Variants in SCG5 observed in about 807,000 individuals in gnomAD.
SCG5 encodes neuroendocrine protein 7B2.
SCG5 carries 18 observed loss-of-function variants against 25.7 expected under a neutral mutation model. The ratio of observed to expected loss-of-function variants is 0.70; its 90% CI spans 0.48 to 1.04. The LOEUF (loss-of-function observed/expected upper bound fraction) is 1.04. Ranked by LOEUF, SCG5 falls within the 50% of genes least tolerant of loss-of-function variation. The pLI is 0.00. For synonymous variants in SCG5, 101 were observed against 91.7 expected (o/e 1.10, Z -0.58); for missense variants, 206 against 259.8 (o/e 0.79, Z 1.42).
At position 32,662,693 on chromosome 15, in the gene SCG5, G is replaced by A. The variant is rs574377067; in HGVS notation, c.227-17073G>A. ...AAGGGGAGTGCTTTTGTATAAATTG[G>A]AGATCACCTCAACTATAGAATTAAC... On this transcript the variant is annotated intron_variant, in intron 2 of 5. Transcript: ENST00000300175. 1.4e-4 allele frequency among the ~76,000 whole-genome samples: 22 copies of A among 152,140 alleles called. No individual in the cohort carries two copies. In the South Asian group the frequency reaches 4.6e-3, roughly 32 times the overall value.
chr15:32,645,713 T>TA lies in SCG5; in HGVS notation c.226+1902dup, dbSNP rs578028090. Among the ~76,000 whole-genome samples the TA allele has an allele frequency of 2.0e-4, 31 of 152,110 alleles. No individual in the cohort carries two copies. The South Asian group carries it at 6.2e-3, about 31-fold the overall frequency. ...ACAACTATTATGTACCCACAAAAACTAAAAAAATAAAAGGCATGGAGACAT... is the reference window on the plus strand; with the variant it reads ...ACAACTATTATGTACCCACAAAAACTAAAAAAAATAAAAGGCATGGAGACAT... On this transcript the variant is annotated intron_variant, in intron 2 of 5. Coordinates refer to ENST00000300175, the MANE Select transcript of SCG5 (RefSeq NM_001144757.3).
At chr15:32,645,540 G>A (rs1035316723) in intron 2 of SCG5, among the ~76,000 whole-genome samples, 1 of 152,178 alleles carries the variant, frequency 6.6e-6, no homozygotes, top group Non-Finnish European at 1.5e-5. Flanking sequence ...AGCTGCCGCC[G>A]TGGAAGCAAA....
chr15:32,653,081 C>T (rs1213990221), intron 2 of SCG5, among the ~76,000 whole-genome samples: 1 of 152,168 alleles, frequency 6.6e-6, no homozygotes, highest in Non-Finnish European at 1.5e-5. Flanking sequence ...AAAAAATTAG[C>T]ACAGCCTTAT....
intron 3 of SCG5, among the ~76,000 whole-genome samples, chr15:32,680,998 G>T (rs896114588): frequency 1.3e-5 from 2 of 152,130 alleles, no homozygotes; most frequent in South Asian, 4.1e-4. Context: ...CAAAATGGAG[G>T]TCATTGTGGG....
At position 32,691,729 on chromosome 15, in the gene SCG5, A is replaced by T; in HGVS notation, c.509A>T (p.Glu170Val). 6.2e-7 allele frequency: 1 copy of T among 1,611,126 alleles called. No homozygotes were observed. Among genetic ancestry groups the T allele is most frequent in the Non-Finnish European group, 8.5e-7 (1 of 1,178,958 alleles). ...LGKWNKKLLY[E>V]KMKGGERRKR... ...TTCTAGAACAAGAAACTCCTTTACG[A>T]GAAGATGAAGGGAGGAGAGAGACGA... is the stretch of plus-strand genomic sequence containing the variant. Residue 170 changes from glutamate (E) to valine (V), a missense_variant, in exon 5 of 6, where the codon GAG (glutamate) becomes GTG (valine). Physicochemically the swap from Glu to Val is moderately radical, Grantham distance 121. Transcript: ENST00000300175.
At chr15:32,670,390 C>CA (rs1456971485) in intron 2 of SCG5, among the ~76,000 whole-genome samples, 1 of 152,228 alleles carries the variant, frequency 6.6e-6, no homozygotes, top group Non-Finnish European at 1.5e-5. Context: ...TGCCCTGAGG[C>CA]AAGTCAATGA....
At chr15:32,672,739 A>G (rs1296715121) in intron 2 of SCG5, among the ~76,000 whole-genome samples, 1 of 152,170 alleles carries the variant, frequency 6.6e-6, no homozygotes, top group Non-Finnish European at 1.5e-5. Flanking sequence ...GAGTGAACAC[A>G]GGGCTGGAAT....
chr15:32,695,026 T>C (rs28739344), intron 5 of SCG5, among the ~76,000 whole-genome samples: 1 of 109,398 alleles, frequency 9.1e-6, no homozygotes, highest in African/African-American at 3.4e-5. Flanking sequence ...TTTTTTTTTT[T>C]CTTTTTTGAG....
intron 2 of SCG5, among the ~76,000 whole-genome samples, chr15:32,646,012 G>A (rs924428375): frequency 2.6e-5 from 4 of 151,686 alleles, no homozygotes; most frequent in African/African-American, 2.4e-5. Flanking sequence ...TAGAGATGGG[G>A]TTTCACCGTG....
chr15:32,685,054 T>C (rs2054683450), intron 4 of SCG5, among the ~76,000 whole-genome samples: 1 of 152,166 alleles, frequency 6.6e-6, no homozygotes, highest in Admixed American at 6.5e-5. Context: ...ATCTCTAAAC[T>C]AAGGGAGATG....
chr15:32,643,663 C>T lies in SCG5; in HGVS notation c.71C>T (p.Ala24Val), dbSNP rs1166732438. The change falls in exon 2 of 6, where the codon GCA (alanine) becomes GTA (valine). Residue 24 changes from alanine to valine, a missense_variant. By Grantham distance (64) the Ala-to-Val change is moderately conservative (BLOSUM62 0). Transcript: ENST00000300175. The part of the protein sequence containing the change: ...LFWLASGWTP[A>V]FAYSPRTPDR... The stretch of plus-strand genomic sequence containing the variant: ...TGGCTGGCATCTGGATGGACTCCAG[C>T]ATTTGCTTACAGCCCCCGGACCCCT... 9 of 1,613,880 alleles carry T rather than the reference C, an allele frequency of 5.6e-6. No individual in the cohort carries two copies. The highest frequency in any genetic ancestry group is 1.7e-5 in the Admixed American group (1 of 60,014).
In SCG5 at chr15:32,696,711, A is replaced by G; in HGVS notation, c.*102A>G. 2.8e-6 allele frequency: 2 copies of G among 702,608 alleles called. No individual in the cohort carries two copies. Among genetic ancestry groups the G allele is most frequent in the East Asian group, 2.7e-5 (1 of 36,982 alleles). 43.5% of individuals were successfully genotyped at this position (702,608 alleles called of 1,614,324 possible). A position where few individuals can be genotyped will look rare whatever the true frequency, so the allele number is the denominator to read the frequency against. The stretch of plus-strand genomic sequence containing the variant: ...CTGTGAATGACAGCATGTTTCTTAC[A>G]TAGATAATTATGGATACAAAGCAGC... On this transcript the variant is annotated 3_prime_UTR_variant, in exon 6 of 6. Transcript: ENST00000300175.
Position 32,684,674 on chromosome 15 carries a change from G to C in SCG5, c.489+5G>C. 1.3e-6 allele frequency: 2 copies of C among 1,595,692 alleles called. No homozygotes were observed. Among genetic ancestry groups the C allele is most frequent in the Admixed American group, 3.3e-5 (2 of 59,744 alleles). ...TATCCAGGCTTGGGCAAGTGGGTAA[G>C]TCCTATCTCAATTGTTAGTAGATTT... On this transcript the variant is annotated splice_donor_5th_base_variant and intron_variant, in intron 4 of 5. Coordinates refer to ENST00000300175, the MANE Select transcript of SCG5 (RefSeq NM_001144757.3).
At chr15:32,688,882 C>A (rs1335129084) in intron 4 of SCG5, among the ~76,000 whole-genome samples, 1 of 150,004 alleles carries the variant, frequency 6.7e-6, no homozygotes, top group African/African-American at 2.5e-5. Context: ...TGGCGTGAAC[C>A]CAGGAGGCGG....
chr15:32,647,657 T>C (rs1216471933), intron 2 of SCG5, among the ~76,000 whole-genome samples: 1 of 152,202 alleles, frequency 6.6e-6, no homozygotes, highest in Non-Finnish European at 1.5e-5. Flanking sequence ...TCCTGGTCCA[T>C]TGTAGCCCAC....
chr15:32,691,475 G>A (rs2054855529), intron 4 of SCG5, among the ~76,000 whole-genome samples: 1 of 152,236 alleles, frequency 6.6e-6, no homozygotes, highest in Non-Finnish European at 1.5e-5. Flanking sequence ...TGTGATTGTT[G>A]ATGACACTGG....
rs1217461632 is a variant in SCG5, at chr15:32,663,076, TATAA to T, written c.227-16689_227-16686del. On this transcript the variant is annotated intron_variant, in intron 2 of 5. Coordinates refer to ENST00000300175, the MANE Select transcript of SCG5 (RefSeq NM_001144757.3). ...ATATATATATATATATATATATATA[TATAA>T]TATATAATATGTTATATATACACAT... is the stretch of plus-strand genomic sequence containing the variant. Among the ~76,000 whole-genome samples, 415 of 57,062 alleles carry T rather than the reference TATAA, an allele frequency of 7.3e-3. 9 individuals carry two copies. The highest frequency in any genetic ancestry group is 0.022 in the African/African-American group (391 of 17,564). The allele number at this position is 57,062 out of a possible 152,430, so 37.4% of individuals were successfully genotyped here. A position where few individuals can be genotyped will look rare whatever the true frequency, so the allele number is the denominator to read the frequency against.
At chr15:32,684,935 C>T (rs1192265652) in intron 4 of SCG5, among the ~76,000 whole-genome samples, 3 of 152,188 alleles carry the variant, frequency 2.0e-5, no homozygotes, top group East Asian at 3.8e-4. Flanking sequence ...GTCTGCTTCA[C>T]AGCCTGTGTC....
At chr15:32,647,782 C>T (rs1308160631) in intron 2 of SCG5, among the ~76,000 whole-genome samples, 1 of 152,170 alleles carries the variant, frequency 6.6e-6, no homozygotes, top group Non-Finnish European at 1.5e-5. Flanking sequence ...AAATGTAGTC[C>T]TTAAATAAAC....
Sources: allele counts gnomAD v4.1 joint callset (sites outside exome capture counted in the v4.1 genomes callset), GRCh38; gene constraint gnomAD v4.1.1; transcripts MANE v1.5; gene names NCBI Gene and HGNC (gene_info 2026-07-23, HGNC 2026-07-21).